The following THSD7B variants were observed in gnomAD, a reference collection of about 807,000 sequenced individuals.
The protein encoded by THSD7B is thrombospondin type 1 domain containing 7B.
A neutral mutation model predicts 213.6 loss-of-function variants in THSD7B; 138 were observed. The ratio of observed to expected loss-of-function variants is 0.65; its 90% CI spans 0.56 to 0.74. The LOEUF (loss-of-function observed/expected upper bound fraction) is 0.74, where lower values mean the gene tolerates loss of function less well. Among genes scored for constraint, THSD7B ranks in the 30% least tolerant of loss-of-function variants. THSD7B has a pLI of 0.00. For missense variants in THSD7B, 1,931 were observed against 1,991.5 expected, an observed-to-expected ratio of 0.97 and a Z score of 0.58; for synonymous variants, 742 against 687.0, an observed-to-expected ratio of 1.08 and a Z score of -1.25.
chr2:137,562,757 G>A (rs185056205), intron 15 of THSD7B, among the ~76,000 whole-genome samples: 4 of 151,810 alleles, frequency 2.6e-5, no homozygotes, highest in Non-Finnish European at 4.4e-5. Flanking sequence ...AGAAATTTCC[G>A]GTACAAATCA....
At chr2:136,790,066 A>G (rs1320662583) in intron 1 of THSD7B, among the ~76,000 whole-genome samples, 2 of 148,822 alleles carry the variant, frequency 1.3e-5, no homozygotes, top group African/African-American at 4.9e-5. Flanking sequence ...TACCCTTTCT[A>G]ACTCTCTGTG....
intron 2 of THSD7B, among the ~76,000 whole-genome samples, chr2:136,979,402 G>A (rs1685538267): frequency 6.6e-6 from 1 of 152,058 alleles, no homozygotes; most frequent in African/African-American, 2.4e-5. Flanking sequence ...ATTTCGTCCT[G>A]TTCTCCCTGT....
intron 12 of THSD7B, among the ~76,000 whole-genome samples, chr2:137,347,331 C>T (rs12621580): frequency 0.23 from 35,517 of 151,474 alleles, 4,728 homozygotes; most frequent in Non-Finnish European, 0.3. Flanking sequence ...TAAGTGGGTA[C>T]GAGTTACATG....
chr2:137,051,227 G>T (rs1687065863), intron 2 of THSD7B, among the ~76,000 whole-genome samples: 2 of 152,222 alleles, frequency 1.3e-5, no homozygotes, highest in Admixed American at 1.3e-4. Context: ...GTTACACTTA[G>T]TGCACAGCAT....
intron 1 of THSD7B, among the ~76,000 whole-genome samples, chr2:136,812,165 C>A (rs1485384983): frequency 1.3e-5 from 2 of 152,122 alleles, no homozygotes; most frequent in Non-Finnish European, 2.9e-5. Context: ...TTTAAAATAT[C>A]AATAATTTGA....
At chr2:137,559,807 T>C (rs967404939) in intron 15 of THSD7B, among the ~76,000 whole-genome samples, 1 of 152,132 alleles carries the variant, frequency 6.6e-6, no homozygotes, top group Non-Finnish European at 1.5e-5. Flanking sequence ...ATTTTTGCAA[T>C]CTACTCATCT....
At chr2:137,603,124 G>A (rs187538034) in intron 17 of THSD7B, among the ~76,000 whole-genome samples, 400 of 152,302 alleles carry the variant, frequency 2.6e-3, no homozygotes, top group Middle Eastern at 0.01. Flanking sequence ...TCATAGCACA[G>A]TCCAGCATGA....
In THSD7B at chr2:137,291,265, A is replaced by C. The variant is rs77406233; in HGVS notation, c.2500+15239A>C. On this transcript the variant is annotated intron_variant, in intron 12 of 27. Transcript: ENST00000409968. ...TTTTTCCAAATAATTCCATTCTCCCAGTTGTAATTAAGCAATTCTCAGTAT... is the reference window on the plus strand; with the variant it reads ...TTTTTCCAAATAATTCCATTCTCCCCGTTGTAATTAAGCAATTCTCAGTAT... 8.6e-3 allele frequency among the ~76,000 whole-genome samples: 1,308 copies of C among 152,176 alleles called. 23 individuals are homozygous for C. Among genetic ancestry groups the C allele is most frequent in the African/African-American group, 0.03 (1,254 of 41,518 alleles).
At chr2:137,038,702 A>G (rs1206586480) in intron 2 of THSD7B, among the ~76,000 whole-genome samples, 1 of 152,220 alleles carries the variant, frequency 6.6e-6, no homozygotes, top group Non-Finnish European at 1.5e-5. Context: ...CCTTGCAGAA[A>G]AGGGTCAAGG....
intron 15 of THSD7B, among the ~76,000 whole-genome samples, chr2:137,556,973 A>G (rs1680984594): frequency 6.6e-6 from 1 of 152,196 alleles, no homozygotes; most frequent in Non-Finnish European, 1.5e-5. Flanking sequence ...AAAGGGATCA[A>G]TTCAACAAGG....
At chr2:137,205,660 A>G (rs1410233741) in intron 7 of THSD7B, among the ~76,000 whole-genome samples, 1 of 152,038 alleles carries the variant, frequency 6.6e-6, no homozygotes, top group Non-Finnish European at 1.5e-5. Context: ...AATTTTTTCC[A>G]AGTTCATTTC....
intron 13 of THSD7B, among the ~76,000 whole-genome samples, chr2:137,406,984 C>T (rs985741459): frequency 1.3e-5 from 2 of 152,080 alleles, no homozygotes; most frequent in South Asian, 2.1e-4. Context: ...ACAAACATAA[C>T]GCATCGGAAG....
At chr2:137,493,428 C>T (rs954184641) in intron 15 of THSD7B, among the ~76,000 whole-genome samples, 5 of 152,108 alleles carry the variant, frequency 3.3e-5, no homozygotes, top group Non-Finnish European at 5.9e-5. Context: ...GGCTAATGAC[C>T]TGCAATGCAG....
At chr2:137,047,446 G>A (rs146817377) in intron 2 of THSD7B, among the ~76,000 whole-genome samples, 311 of 152,280 alleles carry the variant, frequency 2.0e-3, no homozygotes, top group African/African-American at 7.2e-3. Context: ...AGGAGAAAGC[G>A]CAGTGAAAGG....
chr2:137,556,243 G>A lies in THSD7B; in HGVS notation c.3139-6978G>A, dbSNP rs565892761. ...GCAACTCCCAGACACATAACTGTCA[G>A]ATTCACCAAAGTTGAAATGAAGCAA... On this transcript the variant is annotated intron_variant, in intron 15 of 27. Coordinates refer to ENST00000409968, the MANE Select transcript of THSD7B (RefSeq NM_001316349.2). Among the ~76,000 whole-genome samples, 3 of 152,288 alleles carry A rather than the reference G, an allele frequency of 2.0e-5. No homozygotes were observed. In the South Asian group the frequency reaches 6.2e-4, roughly 32 times the overall value.
chr2:136,930,958 C>T (rs1042859280), intron 2 of THSD7B, among the ~76,000 whole-genome samples: 8 of 152,158 alleles, frequency 5.3e-5, no homozygotes, highest in Admixed American at 2.6e-4. Flanking sequence ...CATTGTCTAA[C>T]AATGACTATT....
intron 1 of THSD7B, among the ~76,000 whole-genome samples, chr2:136,864,677 C>T (rs1406787836): frequency 6.6e-6 from 1 of 152,142 alleles, no homozygotes; most frequent in African/African-American, 2.4e-5. Flanking sequence ...TTCAGCCCCC[C>T]GAGTAGCTGG....
At chr2:136,825,835 A>G (rs935253595) in intron 1 of THSD7B, among the ~76,000 whole-genome samples, 1 of 151,570 alleles carries the variant, frequency 6.6e-6, no homozygotes, top group African/African-American at 2.4e-5. Flanking sequence ...TACAGGTGTG[A>G]GCATTCACGT....
intron 2 of THSD7B, among the ~76,000 whole-genome samples, chr2:136,989,927 G>A (rs1275385433): frequency 2.0e-5 from 3 of 152,168 alleles, no homozygotes; most frequent in African/African-American, 7.2e-5. Context: ...CATTCTAATG[G>A]TTTCACACAT....
Sources: allele counts gnomAD v4.1 joint callset (sites outside exome capture counted in the v4.1 genomes callset), GRCh38; gene constraint gnomAD v4.1.1; transcripts MANE v1.5; gene names NCBI Gene and HGNC (gene_info 2026-07-23, HGNC 2026-07-21).